The following AOC2 variants were observed in gnomAD, a reference collection of about 807,000 sequenced individuals.
The protein encoded by AOC2 is amine oxidase copper containing 2.
In AOC2, 57 loss-of-function variants were observed where a neutral mutation model predicts 53.8. The observed-to-expected ratio is 1.06, with a 90% CI of 0.86 to 1.32. AOC2 has a LOEUF of 1.32. Among genes scored for constraint, AOC2 ranks in the 40% most tolerant of loss-of-function variants. The pLI is 0.00. For synonymous variants in AOC2, 404 were observed against 399.0 expected (o/e 1.01, Z -0.15); for missense variants, 1,008 against 957.2 (o/e 1.05, Z -0.70).
At chr17:42,849,036 C>T (rs1351558271) in intron 1 of AOC2, 50 bp from the exon 2 acceptor site, 1 of 1,551,510 alleles carries the variant, frequency 6.4e-7, no homozygotes, top group Non-Finnish European at 8.7e-7. Context: ...GGACCTGGCC[C>T]AGAGACCTTA....
chr17:42,845,934 G>A lies in AOC2; in HGVS notation c.1308G>A (p.Arg436=), dbSNP rs903630446. The change falls in exon 1 of 4, where the codon AGG becomes AGA. Residue 436 remains arginine, a synonymous_variant. Coordinates refer to ENST00000253799, the MANE Select transcript of AOC2 (RefSeq NM_009590.4). ...AAGCCCAGGGACTGCCCCTTCGAAG[G>A]CACCACAATTACCTTCAAAATCATT... The part of the protein sequence containing the change: ...FEEAQGLPLR[R]HHNYLQNHFY... 5 of 1,614,144 alleles carry A rather than the reference G, an allele frequency of 3.1e-6. No individual in the cohort carries two copies. The highest frequency in any genetic ancestry group is 1.1e-5 in the South Asian group (1 of 91,086).
At chr17:42,846,443 C>G (rs2055600327) in intron 1 of AOC2, among the ~76,000 whole-genome samples, 1 of 152,200 alleles carries the variant, frequency 6.6e-6, no homozygotes, top group Non-Finnish European at 1.5e-5. Flanking sequence ...AGTTCCCCCG[C>G]CCAGCCCCTC....
chr17:42,845,835 G>A lies in AOC2; in HGVS notation c.1209G>A (p.Thr403=), dbSNP rs759231553. The A allele has an allele frequency of 1.5e-5, 25 of 1,614,124 alleles. No individual in the cohort carries two copies. Among genetic ancestry groups the A allele is most frequent in the East Asian group, 1.3e-4 (6 of 44,876 alleles). Reference sequence around the variant, plus strand: ...GAGTGGACTGCCCCTATCAAGCCACGATGGTGGACATCCATATATTAGTGG... The same window carrying A: ...GAGTGGACTGCCCCTATCAAGCCACAATGGTGGACATCCATATATTAGTGG... ...VRGVDCPYQA[T]MVDIHILVGK... The change falls in exon 1 of 4, where the codon ACG becomes ACA. Residue 403 remains threonine (T), a synonymous_variant. Transcript: ENST00000253799.
chr17:42,846,247 G>GGGGC, intron 1 of AOC2, 33 bp downstream of exon 1: 2 of 1,501,594 alleles, frequency 1.3e-6, no homozygotes, highest in Non-Finnish European at 1.8e-6. Context: ...TGGAGACTTG[G>GGGGC]GGGCGGGGTC....
rs1271018212 is a variant in AOC2 at position 42,850,394 on chromosome 17, C to G, written c.*46C>G. 1 of 1,521,372 alleles carries G rather than the reference C, an allele frequency of 6.6e-7. No homozygotes were observed. Among genetic ancestry groups the G allele is most frequent in the South Asian group, 1.3e-5 (1 of 77,826 alleles). The allele number at this position is 1,521,372 out of a possible 1,614,324, so 94.2% of individuals were successfully genotyped here. ...GCGTGGTTAGGCACATGTACTTTTCCCTGTTTCTACTTTCTATTCTCCGTG... is the reference window on the plus strand; with the variant it reads ...GCGTGGTTAGGCACATGTACTTTTCGCTGTTTCTACTTTCTATTCTCCGTG... On this transcript the variant is annotated 3_prime_UTR_variant, in exon 4 of 4. Transcript: ENST00000253799.
intron 1 of AOC2, 67 bp downstream of exon 1, chr17:42,846,281 G>A: frequency 6.9e-7 from 1 of 1,447,278 alleles, no homozygotes; most frequent in Non-Finnish European, 9.2e-7. Context: ...GGAAGGGAAG[G>A]GAATCTCCCA....
At chr17:42,846,869 CA>C (rs1380539638) in intron 1 of AOC2, among the ~76,000 whole-genome samples, 1 of 152,180 alleles carries the variant, frequency 6.6e-6, no homozygotes, top group African/African-American at 2.4e-5. Flanking sequence ...CAGACTTTGT[CA>C]AGGACAGAAA....
In AOC2 at chr17:42,845,699, G is replaced by A; in HGVS notation, c.1073G>A (p.Ser358Asn). 2 of 1,614,192 alleles carry A rather than the reference G, an allele frequency of 1.2e-6. No individual in the cohort carries two copies. Among genetic ancestry groups the A allele is most frequent in the African/African-American group, 1.3e-5 (1 of 75,034 alleles). ...GGTGAGCGAATAGCCTATGAAGTCA[G>A]TGTCCAGGAGTGTGTATCTATCTAT... ...FQGERIAYEVSVQECVSIYGA... is the reference protein window; with the variant it reads ...FQGERIAYEVNVQECVSIYGA... The change falls in exon 1 of 4, where the codon AGT (serine) becomes AAT (asparagine). Residue 358 changes from serine (S) to asparagine (N), a missense_variant. By Grantham distance (46) the Ser-to-Asn change is conservative. Transcript: ENST00000253799.
In AOC2 at chr17:42,846,022, G is replaced by A; in HGVS notation, c.1396G>A (p.Asp466Asn). ...VRSVSSVGNY[D>N]YIWDFVLYPN... ...GTCTGTGTCATCTGTGGGCAACTAT[G>A]ACTACATTTGGGACTTTGTGTTGTA... Residue 466 changes from aspartate (D) to asparagine (N), a missense_variant, in exon 1 of 4, where the codon GAC becomes AAC. Coordinates refer to ENST00000253799, the MANE Select transcript of AOC2 (RefSeq NM_009590.4). 6.2e-7 allele frequency: 1 copy of A among 1,613,822 alleles called. No homozygotes were observed. The highest frequency in any genetic ancestry group is 8.5e-7 in the Non-Finnish European group (1 of 1,179,734).
At chr17:42,847,717 C>T (rs1017232462) in intron 1 of AOC2, among the ~76,000 whole-genome samples, 1 of 151,938 alleles carries the variant, frequency 6.6e-6, no homozygotes, top group African/African-American at 2.4e-5. Context: ...CTCCTGGGCT[C>T]AAGCAATCCT....
At chr17:42,847,777 C>G (rs569217300) in intron 1 of AOC2, among the ~76,000 whole-genome samples, 39 of 151,352 alleles carry the variant, frequency 2.6e-4, no homozygotes, top group African/African-American at 9.0e-4. Context: ...CACTACCACG[C>G]CCAGCTTTTT....
intron 1 of AOC2, among the ~76,000 whole-genome samples, chr17:42,847,463 G>A (rs943279130): frequency 9.9e-5 from 15 of 152,180 alleles, no homozygotes; most frequent in African/African-American, 3.6e-4. Flanking sequence ...GCTGAGTTAG[G>A]CAGTGCAGGT....
At chr17:42,849,451 A>G in intron 2 of AOC2, 80 bp downstream of exon 2, 1 of 1,576,244 alleles carries the variant, frequency 6.3e-7, no homozygotes, top group African/African-American at 1.3e-5. Context: ...CTCCCTTCCC[A>G]CGGCTACCAT....
Position 42,845,108 on chromosome 17 carries a change from C to A in AOC2, c.482C>A (p.Pro161His). 6.2e-7 allele frequency: 1 copy of A among 1,613,758 alleles called. No homozygotes were observed. Among genetic ancestry groups the A allele is most frequent in the Non-Finnish European group, 8.5e-7 (1 of 1,180,034 alleles). ...GTGGAGCGTCACGGCGGGCCCCTGC[C>A]CTATCACCGTCGCCCGGTGCTGAGA... ...VTVERHGGPL[P>H]YHRRPVLRAE... The change falls in exon 1 of 4, where the codon CCC becomes CAC. Residue 161 changes from proline to histidine, a missense_variant. Physicochemically the swap from Pro to His is moderately conservative, Grantham distance 77 (BLOSUM62 -2). Coordinates refer to ENST00000253799, the MANE Select transcript of AOC2 (RefSeq NM_009590.4).
At position 42,845,449 on chromosome 17, in the gene AOC2, T is replaced by G; in HGVS notation, c.823T>G (p.Phe275Val). 1 of 1,613,918 alleles carries G rather than the reference T, an allele frequency of 6.2e-7. No homozygotes were observed. Among genetic ancestry groups the G allele is most frequent in the Non-Finnish European group, 8.5e-7 (1 of 1,179,992 alleles). ...YADLGQLERE[F>V]KSGRLEVVRV... ...AGACTTGGGCCAGTTGGAACGGGAG[T>G]TTAAGTCTGGCCGGTTGGAAGTGGT... The change falls in exon 1 of 4, where the codon TTT (phenylalanine) becomes GTT (valine). Residue 275 changes from phenylalanine (F) to valine (V), a missense_variant. Phe to Val is a conservative substitution (Grantham distance 50). Transcript: ENST00000253799.
In AOC2 at chr17:42,846,251, C is replaced by T. The variant is rs201130506; in HGVS notation, c.1588+37C>T. ...GGGGATGAGGATGGAGACTTGGGGG[C>T]GGGGTCAGGTGGGGTGGAGGGAAGG... On this transcript the variant is annotated intron_variant, in intron 1 of 3. Coordinates refer to ENST00000253799, the MANE Select transcript of AOC2 (RefSeq NM_009590.4). The T allele has an allele frequency of 2.0e-4, 129 of 636,278 alleles. No individual in the cohort carries two copies. In the East Asian group the frequency reaches 2.4e-3, roughly 12 times the overall value. 39.4% of individuals were successfully genotyped at this position (636,278 alleles called of 1,614,324 possible). A position where few individuals can be genotyped will look rare whatever the true frequency, so the allele number is the denominator to read the frequency against.
Position 42,849,129 on chromosome 17 carries a change from T to C in AOC2, c.1632T>C (p.Pro544=). The change falls in exon 2 of 4, where the codon CCT becomes CCC. Residue 544 remains proline (P), a synonymous_variant. Coordinates refer to ENST00000253799, the MANE Select transcript of AOC2 (RefSeq NM_009590.4). ...TAGCTGAAGACGTGGTGTTTAAACCTGTGGCTGCCCCCTGGAACCCGGAGC... is the reference window on the plus strand; with the variant it reads ...TAGCTGAAGACGTGGTGTTTAAACCCGTGGCTGCCCCCTGGAACCCGGAGC... The part of the protein sequence containing the change: ...WVVAEDVVFK[P]VAAPWNPEHW... The C allele has an allele frequency of 1.9e-6, 3 of 1,614,012 alleles. No homozygotes were observed. Among genetic ancestry groups the C allele is most frequent in the Non-Finnish European group, 2.5e-6 (3 of 1,179,902 alleles).
chr17:42,849,546 G>A, intron 2 of AOC2, 55 bp from the exon 3 acceptor site: 1 of 1,613,656 alleles, frequency 6.2e-7, no homozygotes, highest in South Asian at 1.1e-5. Context: ...GGACTCCTGG[G>A]CCAGTAAAGG....
rs191102732 is a variant in AOC2 at position 42,844,774 on chromosome 17, C to T, written c.148C>T (p.Pro50Ser). ...VSHRAQPWPH[P>S]GQSQLFADLS... Reference sequence around the variant, plus strand: ...CCATAGGGCCCAGCCCTGGCCACACCCTGGCCAGAGCCAGCTGTTTGCAGA... The same window carrying T: ...CCATAGGGCCCAGCCCTGGCCACACTCTGGCCAGAGCCAGCTGTTTGCAGA... Residue 50 changes from proline (P) to serine (S), a missense_variant, in exon 1 of 4, where the codon CCT becomes TCT. Physicochemically the swap from Pro to Ser is moderately conservative, Grantham distance 74. Transcript: ENST00000253799. 6 of 1,614,170 alleles carry T rather than the reference C, an allele frequency of 3.7e-6. No homozygotes were observed. Among genetic ancestry groups the T allele is most frequent in the East Asian group, 2.2e-5 (1 of 44,870 alleles).
Sources: gnomAD v4.1 joint callset for allele counts (sites outside exome capture counted in the v4.1 genomes callset) on GRCh38, gnomAD v4.1.1 for gene constraint, MANE v1.5 for transcripts, NCBI Gene and HGNC (gene_info 2026-07-23, HGNC 2026-07-21) for gene names.